Variants in FBXL20 observed in about 807,000 individuals in gnomAD.
The protein encoded by FBXL20 is F-box and leucine rich repeat protein 20.
A neutral mutation model predicts 64.0 loss-of-function variants in FBXL20; 11 were observed. The observed-to-expected ratio is 0.17, with a 90% CI of 0.11 to 0.28. The LOEUF is 0.28. Ranked by LOEUF, FBXL20 falls within the 10% of genes least tolerant of loss-of-function variation. The pLI is 1.00. For synonymous variants in FBXL20, 184 were observed against 189.0 expected, an observed-to-expected ratio of 0.97 and a Z score of 0.22; for missense variants, 303 against 526.2, an observed-to-expected ratio of 0.58 and a Z score of 4.15.
chr17:39,300,878 C>A, intron 4 of FBXL20, 123 bp downstream of exon 4: 1 of 885,046 alleles, frequency 1.1e-6, no homozygotes, highest in Admixed American at 2.9e-5. Flanking sequence ...CTGTAAAGTT[C>A]AGATGCACTG....
chr17:39,277,754 CAAAAAA>C (rs34095802), intron 9 of FBXL20, among the ~76,000 whole-genome samples: 2 of 89,932 alleles, frequency 2.2e-5, no homozygotes, highest in African/African-American at 4.6e-5. Context: ...AACTCCGTCT[CAAAAAA>C]AAAAAAAAAA....
intron 1 of FBXL20, among the ~76,000 whole-genome samples, chr17:39,363,814 A>AAAAAAAAC (rs2047825383): frequency 7.4e-6 from 1 of 134,662 alleles, no homozygotes; most frequent in African/African-American, 3.1e-5. Flanking sequence ...TTATCTCAAA[A>AAAAAAAAC]AAAAAAAAAA....
At chr17:39,398,106 A>AC (rs1209956746) in intron 1 of FBXL20, among the ~76,000 whole-genome samples, 1 of 144,312 alleles carries the variant, frequency 6.9e-6, no homozygotes, top group Admixed American at 6.9e-5. Context: ...ACATGGTGAA[A>AC]CCCCGTCTCT....
chr17:39,278,704 C>T (rs1235189225), intron 9 of FBXL20, among the ~76,000 whole-genome samples: 3 of 147,344 alleles, frequency 2.0e-5, no homozygotes, highest in East Asian at 2.1e-4. Flanking sequence ...CACACCACTA[C>T]GCCCGGGCTA....
chr17:39,368,985 A>C (rs1260921919), intron 1 of FBXL20, among the ~76,000 whole-genome samples: 1 of 151,972 alleles, frequency 6.6e-6, no homozygotes, highest in Non-Finnish European at 1.5e-5. Flanking sequence ...AAAATAACTG[A>C]AGTTTCTCAT....
intron 2 of FBXL20, among the ~76,000 whole-genome samples, chr17:39,342,712 G>A (rs754141947): frequency 4.0e-5 from 6 of 151,590 alleles, no homozygotes; most frequent in East Asian, 2.0e-4. Flanking sequence ...GAGAGACCCC[G>A]TCTCAAAAAA....
chr17:39,267,428 G>T (rs893806390), intron 12 of FBXL20, among the ~76,000 whole-genome samples: 1 of 152,138 alleles, frequency 6.6e-6, no homozygotes, highest in African/African-American at 2.4e-5. Flanking sequence ...GGAATCAGAC[G>T]ATAGTGCTTG....
intron 2 of FBXL20, among the ~76,000 whole-genome samples, chr17:39,319,427 C>A (rs1235005361): frequency 6.6e-6 from 1 of 152,102 alleles, no homozygotes; most frequent in Non-Finnish European, 1.5e-5. Context: ...TGGCTCACGC[C>A]TGTAATCCCA....
intron 14 of FBXL20, among the ~76,000 whole-genome samples, chr17:39,262,664 G>GAGC (rs1363100206): frequency 6.6e-6 from 1 of 151,874 alleles, no homozygotes; most frequent in Non-Finnish European, 1.5e-5. Flanking sequence ...AACATCTGTT[G>GAGC]AGCAGAACAA....
intron 2 of FBXL20, among the ~76,000 whole-genome samples, chr17:39,328,780 C>T (rs528246570): frequency 1.6e-4 from 25 of 152,310 alleles, no homozygotes; most frequent in African/African-American, 5.5e-4. Flanking sequence ...TGGCTAGGCA[C>T]AGTTGCTCAT....
At chr17:39,275,928 A>C (rs2046886576) in intron 9 of FBXL20, among the ~76,000 whole-genome samples, 2 of 152,098 alleles carry the variant, frequency 1.3e-5, no homozygotes, top group African/African-American at 2.4e-5. Flanking sequence ...AGTTGTATCT[A>C]ACTCAGACAC....
intron 2 of FBXL20, among the ~76,000 whole-genome samples, chr17:39,314,130 T>G (rs1408425270): frequency 1.3e-5 from 2 of 152,134 alleles, no homozygotes; most frequent in Admixed American, 6.6e-5. Context: ...CTAATCAACA[T>G]TATTTCTCTA....
intron 14 of FBXL20, among the ~76,000 whole-genome samples, chr17:39,262,570 C>G (rs981341636): frequency 2.6e-5 from 4 of 151,994 alleles, no homozygotes; most frequent in Admixed American, 2.0e-4. Context: ...CGTGAGCCAC[C>G]GCGACTGGCC....
At chr17:39,401,875 A>G, upstream of FBXL20, 1 of 396,458 alleles carries the variant, frequency 2.5e-6, no homozygotes, top group Non-Finnish European at 4.0e-6. Flanking sequence ...GCCCATCGGG[A>G]GAAGGCGAGG....
intron 1 of FBXL20, among the ~76,000 whole-genome samples, chr17:39,379,925 GCCA>G (rs2048006146): frequency 1.3e-5 from 2 of 152,166 alleles, no homozygotes; most frequent in South Asian, 4.1e-4. Flanking sequence ...GCTACAGTGA[GCCA>G]TGATCGCATC....
chr17:39,385,770 G>A (rs543361499), intron 1 of FBXL20, among the ~76,000 whole-genome samples: 13 of 152,006 alleles, frequency 8.6e-5, no homozygotes, highest in South Asian at 4.2e-4. Context: ...GGTGGCTCAC[G>A]CCTATAATCC....
At chr17:39,355,365 A>C (rs368766889) in intron 1 of FBXL20, among the ~76,000 whole-genome samples, 1 of 152,082 alleles carries the variant, frequency 6.6e-6, no homozygotes, top group Admixed American at 6.5e-5. Flanking sequence ...GGCATGAGCC[A>C]CGACACCTGG....
At chr17:39,317,247 C>T (rs1402932445) in intron 2 of FBXL20, among the ~76,000 whole-genome samples, 4 of 152,034 alleles carry the variant, frequency 2.6e-5, no homozygotes, top group African/African-American at 4.8e-5. Flanking sequence ...TCTTTCCCCC[C>T]ATGAGACAGA....
intron 9 of FBXL20, among the ~76,000 whole-genome samples, chr17:39,276,382 T>C (rs558202396): frequency 2.7e-5 from 4 of 146,448 alleles, no homozygotes; most frequent in Non-Finnish European, 6.0e-5. Context: ...GGGAGGGAAG[T>C]TATTGAGGCC....
Sources: allele counts gnomAD v4.1 joint callset (sites outside exome capture counted in the v4.1 genomes callset), GRCh38; gene constraint gnomAD v4.1.1; transcripts MANE v1.5; gene names NCBI Gene and HGNC (gene_info 2026-07-23, HGNC 2026-07-21).